STARD13: variants seen among roughly 807,000 people sequenced by gnomAD.
The protein encoded by STARD13 is stAR-related lipid transfer protein 13.
A neutral mutation model predicts 106.4 loss-of-function variants in STARD13; 62 were observed. The observed-to-expected ratio is 0.58, with a 90% CI of 0.48 to 0.72. The LOEUF is 0.72. STARD13 is among the 30% of genes least tolerant of loss of function. The pLI is 0.00. For synonymous variants in STARD13, 565 were observed against 553.0 expected, an observed-to-expected ratio of 1.02 and a Z score of -0.31; for missense variants, 1,387 against 1,424.0, an observed-to-expected ratio of 0.97 and a Z score of 0.42.
At chr13:33,538,442 C>T in the STARD13 span, among the ~76,000 whole-genome samples, 3 of 152,124 alleles carry the variant, frequency 2.0e-5, no homozygotes, top group African/African-American at 7.2e-5. Flanking sequence ...AGCTGGGACA[C>T]AGAAAGGGTC....
the STARD13 span, among the ~76,000 whole-genome samples, chr13:33,470,260 G>A: frequency 1.9e-4 from 29 of 152,050 alleles, no homozygotes; most frequent in African/African-American, 4.8e-4. Flanking sequence ...AGTATTCCGC[G>A]GTGTATATGT....
chr13:33,522,760 G>C, the STARD13 span, among the ~76,000 whole-genome samples: 2 of 152,166 alleles, frequency 1.3e-5, no homozygotes, highest in Non-Finnish European at 2.9e-5. Context: ...TTGAGTACTG[G>C]TTTTGCCCCC....
At chr13:33,260,367 C>G (rs1890580781) in intron 1 of STARD13, among the ~76,000 whole-genome samples, 1 of 152,252 alleles carries the variant, frequency 6.6e-6, no homozygotes, top group East Asian at 1.9e-4. Context: ...GCTGTGCTCG[C>G]TGCAGCTCAC....
intron 2 of STARD13, among the ~76,000 whole-genome samples, chr13:33,166,530 G>A (rs1169057053): frequency 6.6e-6 from 1 of 152,148 alleles, no homozygotes; most frequent in Non-Finnish European, 1.5e-5. Flanking sequence ...CCTTTGCAAT[G>A]AGCACTGTTA....
chr13:33,524,049 T>C, the STARD13 span, among the ~76,000 whole-genome samples: 114 of 152,266 alleles, frequency 7.5e-4, no homozygotes, highest in African/African-American at 2.6e-3. Context: ...AACAACTATA[T>C]ATGTTCTCAT....
At chr13:33,440,074 C>T in the STARD13 span, among the ~76,000 whole-genome samples, 78 of 151,962 alleles carry the variant, frequency 5.1e-4, 1 homozygote, top group Admixed American at 1.3e-3. Flanking sequence ...CCGAGGAGTT[C>T]GAAATCAGAC....
the STARD13 span, among the ~76,000 whole-genome samples, chr13:33,502,780 G>T: frequency 6.6e-6 from 1 of 152,168 alleles, no homozygotes. Flanking sequence ...GCTAGATTCG[G>T]TTTGCCAGTA....
In STARD13 at chr13:33,209,361, G is replaced by A. The variant is rs532924987; in HGVS notation, c.170-41739C>T. Among the ~76,000 whole-genome samples the A allele has an allele frequency of 1.1e-4, 16 of 152,174 alleles. No individual in the cohort carries two copies. In the South Asian group the frequency reaches 3.1e-3, roughly 30 times the overall value. On this transcript the variant is annotated intron_variant, in intron 1 of 13. Coordinates refer to ENST00000336934, the MANE Select transcript of STARD13 (RefSeq NM_178006.4). Reference sequence around the variant, plus strand: ...AATCAGCATTGGAAAGGAACAAACAGCAACACTACCCATATTGGGGACCTA... The same window carrying A: ...AATCAGCATTGGAAAGGAACAAACAACAACACTACCCATATTGGGGACCTA...
At chr13:33,402,159 T>C in the STARD13 span, among the ~76,000 whole-genome samples, 1 of 152,240 alleles carries the variant, frequency 6.6e-6, no homozygotes, top group Non-Finnish European at 1.5e-5. Context: ...GTGAGATGGA[T>C]AGTGCCCTTA....
the STARD13 span, among the ~76,000 whole-genome samples, chr13:33,386,433 G>A: frequency 6.6e-6 from 1 of 152,210 alleles, no homozygotes; most frequent in South Asian, 2.1e-4. Context: ...TCACCCTCCA[G>A]GTATGGTAAA....
At chr13:33,666,119 G>C in the STARD13 span, among the ~76,000 whole-genome samples, 1 of 152,144 alleles carries the variant, frequency 6.6e-6, no homozygotes, top group East Asian at 1.9e-4. Flanking sequence ...GAATGCTATG[G>C]CATGCTTCCT....
the STARD13 span, among the ~76,000 whole-genome samples, chr13:33,401,700 AT>A: frequency 1.3e-5 from 2 of 152,070 alleles, no homozygotes; most frequent in Non-Finnish European, 1.5e-5. Flanking sequence ...TCTCTCAGAC[AT>A]TTTCCCCAAT....
At chr13:33,490,042 A>T in the STARD13 span, among the ~76,000 whole-genome samples, 2 of 152,066 alleles carry the variant, frequency 1.3e-5, no homozygotes, top group African/African-American at 2.4e-5. Flanking sequence ...CATTAAGTAA[A>T]TTTTTTTTAA....
At position 33,142,946 on chromosome 13, in the gene STARD13, A is replaced by C. The variant is rs112831462; in HGVS notation, c.324-573T>G. Among the ~76,000 whole-genome samples the C allele has an allele frequency of 5.8e-3, 876 of 152,338 alleles. 6 individuals carry two copies. Among genetic ancestry groups the C allele is most frequent in the Non-Finnish European group, 7.9e-3 (537 of 68,024 alleles). On this transcript the variant is annotated intron_variant, in intron 3 of 13. Coordinates refer to ENST00000336934, the MANE Select transcript of STARD13 (RefSeq NM_178006.4). ...GGAGTAAAGAAGTGATTAAGGGTAAAGGGGTCTACCAGGGAGGAGCTCTGA... is the reference window on the plus strand; with the variant it reads ...GGAGTAAAGAAGTGATTAAGGGTAACGGGGTCTACCAGGGAGGAGCTCTGA...
chr13:33,237,941 A>G (rs567205590), intron 1 of STARD13, among the ~76,000 whole-genome samples: 1 of 152,368 alleles, frequency 6.6e-6, no homozygotes, highest in East Asian at 1.9e-4. Flanking sequence ...AAAAAGAGAT[A>G]GACAAAATTA....
chr13:33,659,712 A>C, the STARD13 span: 4 of 152,234 alleles, frequency 2.6e-5, no homozygotes, highest in African/African-American at 9.6e-5. Flanking sequence ...AAATGAAGTC[A>C]GTAGGCTCAT....
intron 1 of STARD13, among the ~76,000 whole-genome samples, chr13:33,294,626 C>T (rs1472371266): frequency 6.6e-6 from 1 of 152,116 alleles, no homozygotes; most frequent in Non-Finnish European, 1.5e-5. Context: ...TTTCTAGAAC[C>T]TACTTATTTT....
chr13:33,628,350 GT>G, the STARD13 span, among the ~76,000 whole-genome samples: 1 of 152,068 alleles, frequency 6.6e-6, no homozygotes, highest in African/African-American at 2.4e-5. Context: ...TTTTCATCCA[GT>G]CATGTTTGTT....
chr13:33,434,548 A>G, the STARD13 span, among the ~76,000 whole-genome samples: 2 of 152,116 alleles, frequency 1.3e-5, no homozygotes, highest in Admixed American at 1.3e-4. Flanking sequence ...AAAGAATGTC[A>G]AAGTCTCATA....
Sources: gnomAD v4.1 joint callset for allele counts (sites outside exome capture counted in the v4.1 genomes callset) on GRCh38, gnomAD v4.1.1 for gene constraint, MANE v1.5 for transcripts, NCBI Gene and HGNC (gene_info 2026-07-23, HGNC 2026-07-21) for gene names.